The following PRICKLE1 variants were observed in gnomAD, a reference collection of about 807,000 sequenced individuals.
PRICKLE1 encodes the protein prickle planar cell polarity protein 1.
In PRICKLE1, 14 loss-of-function variants were observed where a neutral mutation model predicts 70.2. The observed-to-expected ratio is 0.20, with a 90% CI of 0.13 to 0.31. PRICKLE1 has a LOEUF of 0.31. Among genes scored for constraint, PRICKLE1 ranks in the 10% least tolerant of loss-of-function variants. The probability of loss-of-function intolerance (pLI) is 1.00; values close to 1 mark genes in which losing one functional copy is unlikely to be tolerated. For synonymous variants in PRICKLE1, 357 were observed against 379.9 expected (o/e 0.94, Z 0.70); for missense variants, 821 against 1,026.2 (o/e 0.80, Z 2.73).
intron 7 of PRICKLE1, among the ~76,000 whole-genome samples, chr12:42,461,468 A>G (rs1371970764): frequency 6.6e-6 from 1 of 152,168 alleles, no homozygotes; most frequent in African/African-American, 2.4e-5. Flanking sequence ...ATCAAGTTTT[A>G]TTGGAACAGC....
At chr12:42,586,643 G>T (rs1165545518) in intron 1 of PRICKLE1, among the ~76,000 whole-genome samples, 2 of 152,152 alleles carry the variant, frequency 1.3e-5, no homozygotes, top group Non-Finnish European at 2.9e-5. Flanking sequence ...ATATTAGAGA[G>T]CCCAAAATAT....
In PRICKLE1 at chr12:42,462,482, G is replaced by A. The variant is rs561443556; in HGVS notation, c.1640-1817C>T. ...CTCCCAAAGTGCTGGGACTGCAGGT[G>A]TGAGCTACCACACCTGGCCAAATTA... On this transcript the variant is annotated intron_variant, in intron 7 of 7. Coordinates refer to ENST00000345127, the MANE Select transcript of PRICKLE1 (RefSeq NM_153026.3). Among the ~76,000 whole-genome samples the A allele has an allele frequency of 4.6e-5, 7 of 152,252 alleles. No homozygotes were observed. The East Asian group carries it at 1.2e-3, about 25-fold the overall frequency.
chr12:42,513,537 T>C (rs1939553614), intron 1 of PRICKLE1, among the ~76,000 whole-genome samples: 1 of 151,920 alleles, frequency 6.6e-6, no homozygotes, highest in Non-Finnish European at 1.5e-5. Context: ...CATTCCAGCC[T>C]GGGCAACATA....
In PRICKLE1 at chr12:42,479,932, C is replaced by A. The variant is rs577885209; in HGVS notation, c.-48-7368G>T. On this transcript the variant is annotated intron_variant, in intron 1 of 7. Transcript: ENST00000345127. ...TCATGCCATTGCACTCCAGCCTGGG[C>A]AACAAGAGCGAAACTCCATCTTAAA... 3.3e-3 allele frequency among the ~76,000 whole-genome samples: 500 copies of A among 151,510 alleles called. 9 individuals carry two copies. The highest frequency in any genetic ancestry group is 2.4e-3 in the Non-Finnish European group (165 of 67,930).
chr12:42,467,422 T>G (rs1938141596), intron 5 of PRICKLE1, among the ~76,000 whole-genome samples: 1 of 119,748 alleles, frequency 8.4e-6, no homozygotes, highest in African/African-American at 3.1e-5. Context: ...GCAGGTTCTT[T>G]CATTTTTTTT....
At chr12:42,526,092 G>T (rs1289495426) in intron 1 of PRICKLE1, among the ~76,000 whole-genome samples, 1 of 152,214 alleles carries the variant, frequency 6.6e-6, no homozygotes, top group Non-Finnish European at 1.5e-5. Flanking sequence ...TCATTGTGAA[G>T]CTAAAGTGGC....
chr12:42,553,209 G>A (rs1464635184), intron 1 of PRICKLE1, among the ~76,000 whole-genome samples: 3 of 152,048 alleles, frequency 2.0e-5, no homozygotes, highest in African/African-American at 7.2e-5. Context: ...CTGGGAGACC[G>A]AGGCGGGCGG....
In PRICKLE1 at chr12:42,464,477, A is replaced by G; in HGVS notation, c.1557T>C (p.Asp519=). 2 of 1,614,020 alleles carry G rather than the reference A, an allele frequency of 1.2e-6. No homozygotes were observed. The highest frequency in any genetic ancestry group is 1.7e-6 in the Non-Finnish European group (2 of 1,180,018). Residue 519 remains aspartate (D), a synonymous_variant, in exon 7 of 8, where the codon GAT becomes GAC. Transcript: ENST00000345127. The surrounding 1 kb of genome is among the most constrained non-coding windows in gnomAD (Gnocchi z 4.2). ...TCAGGTCTGACAGACACTCCAGGGAATCTTCATACCACTGTGTTTCATCAT... is the reference window on the plus strand; with the variant it reads ...TCAGGTCTGACAGACACTCCAGGGAGTCTTCATACCACTGTGTTTCATCAT... ...YNHDETQWYE[D]SLECLSDLKP...
intron 1 of PRICKLE1, among the ~76,000 whole-genome samples, chr12:42,572,806 C>T (rs1168829876): frequency 2.0e-5 from 3 of 152,028 alleles, no homozygotes; most frequent in Non-Finnish European, 4.4e-5. Flanking sequence ...CCAGTCTGGG[C>T]AACAGAGCAA....
chr12:42,534,902 G>T (rs1939992021), intron 1 of PRICKLE1, among the ~76,000 whole-genome samples: 1 of 152,190 alleles, frequency 6.6e-6, no homozygotes, highest in Non-Finnish European at 1.5e-5. Context: ...TGTATAGTGT[G>T]CTGCAGTAGA....
chr12:42,532,668 C>T lies in PRICKLE1; in HGVS notation c.-49+56797G>A, dbSNP rs544059511. 2.6e-5 allele frequency among the ~76,000 whole-genome samples: 4 copies of T among 152,068 alleles called. No individual in the cohort carries two copies. In the South Asian group the frequency reaches 6.2e-4, roughly 24 times the overall value. ...ATCCCAGCACTTTGGGAGGCTGAGGCGGGCGGATCACGAGGTCAGGAGATC... is the reference window on the plus strand; with the variant it reads ...ATCCCAGCACTTTGGGAGGCTGAGGTGGGCGGATCACGAGGTCAGGAGATC... On this transcript the variant is annotated intron_variant, in intron 1 of 7. Transcript: ENST00000345127.
chr12:42,467,585 C>CA lies in PRICKLE1; in HGVS notation c.588+1040dup, dbSNP rs1194664930. 1.1e-3 allele frequency among the ~76,000 whole-genome samples: 161 copies of CA among 144,612 alleles called. 2 individuals carry two copies. The highest frequency in any genetic ancestry group is 6.6e-4 in the African/African-American group (26 of 39,644). The allele number at this position is 144,612 out of a possible 152,430, so 94.9% of individuals were successfully genotyped here. A position where few individuals can be genotyped will look rare whatever the true frequency, so the allele number is the denominator to read the frequency against. Reference sequence around the variant, plus strand: ...GTGAAGCCCGCCTCTACTAAAAATACAAAAAAAAAAATTAGCTGGGCGTGG... The same window carrying CA: ...GTGAAGCCCGCCTCTACTAAAAATACAAAAAAAAAAAATTAGCTGGGCGTGG... On this transcript the variant is annotated intron_variant, in intron 5 of 7. Transcript: ENST00000345127.
At chr12:42,576,452 C>T (rs1227379076) in intron 1 of PRICKLE1, among the ~76,000 whole-genome samples, 7 of 152,198 alleles carry the variant, frequency 4.6e-5, no homozygotes, top group African/African-American at 1.2e-4. Flanking sequence ...TTCTGTTCCA[C>T]CCTCTAACAG....
At chr12:42,497,338 G>C (rs1426308200) in intron 1 of PRICKLE1, among the ~76,000 whole-genome samples, 4 of 152,064 alleles carry the variant, frequency 2.6e-5, no homozygotes, top group African/African-American at 9.7e-5. Context: ...GAGGTCAGGA[G>C]ATCAAGATCA....
intron 4 of PRICKLE1, 59 bp downstream of exon 4, chr12:42,469,390 GA>G: frequency 6.2e-7 from 1 of 1,606,486 alleles, no homozygotes; most frequent in South Asian, 1.1e-5. Flanking sequence ...ACCTACCCCC[GA>G]CTGTCCACCC....
chr12:42,471,571 C>T (rs1401318251), intron 2 of PRICKLE1, among the ~76,000 whole-genome samples: 1 of 152,192 alleles, frequency 6.6e-6, no homozygotes, highest in African/African-American at 2.4e-5. Context: ...CAGCTACATG[C>T]GTGCCAGGTA....
intron 1 of PRICKLE1, among the ~76,000 whole-genome samples, chr12:42,505,688 A>G (rs1444821181): frequency 6.6e-6 from 1 of 152,198 alleles, no homozygotes; most frequent in African/African-American, 2.4e-5. Context: ...CACCTGCCTC[A>G]GCCTCCCAAA....
chr12:42,588,339 G>A (rs1384119334), intron 1 of PRICKLE1, among the ~76,000 whole-genome samples: 4 of 152,158 alleles, frequency 2.6e-5, no homozygotes, highest in Non-Finnish European at 5.9e-5. Flanking sequence ...TTAAGACGAG[G>A]CAGTAGACAA....
intron 1 of PRICKLE1, among the ~76,000 whole-genome samples, chr12:42,561,155 A>G (rs1940506970): frequency 6.6e-6 from 1 of 152,242 alleles, no homozygotes; most frequent in Admixed American, 6.5e-5. Context: ...ATAAACTGTC[A>G]TCTGCTACAG....
Sources: gnomAD v4.1 joint callset for allele counts (sites outside exome capture counted in the v4.1 genomes callset) on GRCh38, gnomAD v4.1.1 for gene constraint, Gnocchi (gnomAD v3.1) non-coding constraint, MANE v1.5 for transcripts, NCBI Gene and HGNC (gene_info 2026-07-23, HGNC 2026-07-21) for gene names.